RAPGEF2: variants seen among roughly 807,000 people sequenced by gnomAD.
RAPGEF2 encodes Rap guanine nucleotide exchange factor 2.
In RAPGEF2, 54 loss-of-function variants were observed where a neutral mutation model predicts 186.7. The observed-to-expected ratio is 0.29, with a 90% CI of 0.23 to 0.36. RAPGEF2 has a LOEUF of 0.36. Among genes scored for constraint, RAPGEF2 ranks in the 10% least tolerant of loss-of-function variants. The pLI, the probability that RAPGEF2 is intolerant of heterozygous loss-of-function variation, is 1.00. For missense variants in RAPGEF2, 1,532 were observed against 2,045.0 expected, an observed-to-expected ratio of 0.75 and a Z score of 4.84; for synonymous variants, 712 against 705.9, an observed-to-expected ratio of 1.01 and a Z score of -0.14.
At chr4:159,268,692 A>G (rs1757733094) in intron 7 of RAPGEF2, among the ~76,000 whole-genome samples, 1 of 152,154 alleles carries the variant, frequency 6.6e-6, no homozygotes. Context: ...ATTTCTTAAC[A>G]TGTATTCATC....
intron 7 of RAPGEF2, among the ~76,000 whole-genome samples, chr4:159,265,615 A>G (rs1432194215): frequency 1.3e-5 from 2 of 152,110 alleles, no homozygotes; most frequent in Non-Finnish European, 2.9e-5. Flanking sequence ...GAGCAGTGGG[A>G]AGCCATGGAA....
chr4:159,295,400 T>TTG (rs150225299), intron 7 of RAPGEF2, among the ~76,000 whole-genome samples: 50 of 151,380 alleles, frequency 3.3e-4, no homozygotes, highest in East Asian at 9.7e-4. Flanking sequence ...GTGTATGCAT[T>TTG]TGTGTGTGTG....
At chr4:159,355,724 A>G in intron 28 of RAPGEF2, 129 bp from the exon 29 acceptor site, 1 of 889,840 alleles carries the variant, frequency 1.1e-6, no homozygotes, top group Non-Finnish European at 1.7e-6. Flanking sequence ...CCGCACCTCT[A>G]ACCGATACCA....
intron 4 of RAPGEF2, among the ~76,000 whole-genome samples, chr4:159,221,001 G>A (rs1014842723): frequency 3.3e-5 from 5 of 152,216 alleles, no homozygotes; most frequent in African/African-American, 1.2e-4. Context: ...GAGGTTGGAA[G>A]GTAATGGAAG....
intron 7 of RAPGEF2, chr4:159,282,528 G>A (rs1561206227): frequency 1.9e-5 from 7 of 377,674 alleles, no homozygotes; most frequent in Non-Finnish European, 3.6e-5. Context: ...CGTCTTTAGA[G>A]GAGACATCAG....
chr4:159,311,270 G>A (rs183301342), intron 8 of RAPGEF2, among the ~76,000 whole-genome samples: 4 of 152,168 alleles, frequency 2.6e-5, no homozygotes, highest in Non-Finnish European at 1.5e-5. Flanking sequence ...TTTATAATTG[G>A]TGTATGAACC....
At chr4:159,163,211 T>G (rs1182185387) in intron 1 of RAPGEF2, among the ~76,000 whole-genome samples, 2 of 152,206 alleles carry the variant, frequency 1.3e-5, no homozygotes, top group Non-Finnish European at 2.9e-5. Context: ...TTCCAATAAT[T>G]TTATACATTA....
At chr4:159,348,286 A>ATGGATGGATGGATGGATGGATGGATG (rs1561330238) in intron 25 of RAPGEF2, among the ~76,000 whole-genome samples, 3 of 136,254 alleles carry the variant, frequency 2.2e-5, no homozygotes, top group African/African-American at 8.7e-5. Context: ...ATGGATGGAT[A>ATGGATGGATGGATGGATGGATGGATG]GATAGATAAA....
Position 159,353,636 on chromosome 4 carries a change from C to T in RAPGEF2, c.4241C>T (p.Ser1414Leu). 1 of 1,595,046 alleles carries T rather than the reference C, an allele frequency of 6.3e-7. No homozygotes were observed. The highest frequency in any genetic ancestry group is 1.1e-5 in the South Asian group (1 of 87,272). The change falls in exon 28 of 30, where the codon TCA (serine) becomes TTA (leucine). Residue 1414 changes from serine (S) to leucine (L), a missense_variant. Physicochemically the swap from Ser to Leu is moderately radical, Grantham distance 145. This residue lies in a region of RAPGEF2 where 594 missense variants were observed against 608.5 expected (regional missense o/e 0.98). Coordinates refer to ENST00000691494, the MANE Select transcript of RAPGEF2 (RefSeq NM_001394067.2). The surrounding 1 kb of genome is among the most constrained non-coding windows in gnomAD (Gnocchi z 4.3). ...DSGRGSWTSC[S>L]SGSHDNIQTI... ...GGCCGTGGGAGCTGGACGTCATGCT[C>T]AAGTGGCTCCCATGATAATATACAG...
intron 1 of RAPGEF2, among the ~76,000 whole-genome samples, chr4:159,105,221 C>A (rs1451018723): frequency 1.3e-5 from 2 of 152,194 alleles, no homozygotes; most frequent in African/African-American, 2.4e-5. Flanking sequence ...TATAGGAGAT[C>A]CTGCCTGCCA....
At chr4:159,115,626 A>T (rs973887953) in intron 1 of RAPGEF2, among the ~76,000 whole-genome samples, 90 of 151,966 alleles carry the variant, frequency 5.9e-4, no homozygotes, top group African/African-American at 2.1e-3. Flanking sequence ...AGTCAAATTT[A>T]TTAGGGAATA....
At chr4:159,272,050 A>G (rs1330851745) in intron 7 of RAPGEF2, among the ~76,000 whole-genome samples, 2 of 151,826 alleles carry the variant, frequency 1.3e-5, no homozygotes, top group Non-Finnish European at 2.9e-5. Context: ...TCCCTTTGTA[A>G]CCTCTGAGTG....
intron 11 of RAPGEF2, among the ~76,000 whole-genome samples, chr4:159,324,746 C>A (rs949434367): frequency 4.6e-5 from 7 of 152,056 alleles, no homozygotes; most frequent in African/African-American, 1.4e-4. Context: ...TTAAAAGCAT[C>A]TAATAATTGA....
chr4:159,219,109 A>G (rs996795809), intron 4 of RAPGEF2, among the ~76,000 whole-genome samples: 13 of 152,180 alleles, frequency 8.5e-5, no homozygotes, highest in Non-Finnish European at 8.8e-5. Flanking sequence ...GTATCAGTTC[A>G]TCCTCTAGGA....
At chr4:159,270,548 G>A (rs1005120536) in intron 7 of RAPGEF2, among the ~76,000 whole-genome samples, 1 of 151,990 alleles carries the variant, frequency 6.6e-6, no homozygotes, top group African/African-American at 2.4e-5. Context: ...TTGGGGTGGG[G>A]GCATTTTTTT....
At chr4:159,196,334 A>G (rs1336408042) in intron 3 of RAPGEF2, among the ~76,000 whole-genome samples, 1 of 152,174 alleles carries the variant, frequency 6.6e-6, no homozygotes, top group East Asian at 1.9e-4. Context: ...CGGACCTGTT[A>G]TTATTACCTT....
chr4:159,278,478 G>A (rs1015875319), intron 7 of RAPGEF2, among the ~76,000 whole-genome samples: 2 of 152,146 alleles, frequency 1.3e-5, no homozygotes, highest in Non-Finnish European at 1.5e-5. Flanking sequence ...AGGAGCTCTC[G>A]AAATTTAGCA....
At chr4:159,270,452 A>G (rs1055584332) in intron 7 of RAPGEF2, among the ~76,000 whole-genome samples, 1 of 152,194 alleles carries the variant, frequency 6.6e-6, no homozygotes, top group Non-Finnish European at 1.5e-5. Flanking sequence ...TGTTTTGCTT[A>G]TTCAAAAAGT....
At chr4:159,136,282 T>C (rs1007511214) in intron 1 of RAPGEF2, among the ~76,000 whole-genome samples, 6 of 152,190 alleles carry the variant, frequency 3.9e-5, no homozygotes, top group African/African-American at 1.4e-4. Flanking sequence ...AGCAGAGTCA[T>C]TATTCGTATT....
Sources: allele counts gnomAD v4.1 joint callset (sites outside exome capture counted in the v4.1 genomes callset), GRCh38; gene constraint gnomAD v4.1.1; regional missense constraint gnomAD v4.1.1; non-coding constraint Gnocchi (gnomAD v3.1); transcripts MANE v1.5; gene names NCBI Gene and HGNC (gene_info 2026-07-23, HGNC 2026-07-21).